The following ADARB2 variants were observed in gnomAD, a reference collection of about 807,000 sequenced individuals.
ADARB2 encodes adenosine deaminase RNA specific B2 (inactive).
A neutral mutation model predicts 62.2 loss-of-function variants in ADARB2; 25 were observed. That is an observed-to-expected ratio of 0.40 (90% CI 0.29 to 0.56). The LOEUF (loss-of-function observed/expected upper bound fraction) is 0.56, where lower values mean the gene tolerates loss of function less well. Among genes scored for constraint, ADARB2 ranks in the 20% least tolerant of loss-of-function variants. The probability of loss-of-function intolerance (pLI) is 0.43; values close to 1 mark genes in which losing one functional copy is unlikely to be tolerated. For synonymous variants in ADARB2, 572 were observed against 500.8 expected, an observed-to-expected ratio of 1.14 and a Z score of -1.90; for missense variants, 1,071 against 1,077.4, an observed-to-expected ratio of 0.99 and a Z score of 0.08.
intron 3 of ADARB2, among the ~76,000 whole-genome samples, chr10:1,308,127 A>G (rs11814486): frequency 6.6e-6 from 1 of 152,074 alleles, no homozygotes; most frequent in African/African-American, 2.4e-5. Context: ...TGTAGTACAC[A>G]CAGAGCAGTT....
intron 5 of ADARB2, among the ~76,000 whole-genome samples, chr10:1,234,887 T>A (rs1830849814): frequency 6.6e-6 from 1 of 151,938 alleles, no homozygotes; most frequent in Non-Finnish European, 1.5e-5. Context: ...TAGTTGGGAT[T>A]ACAGGTGCAT....
chr10:1,605,586 G>T (rs1833484980), intron 1 of ADARB2, among the ~76,000 whole-genome samples: 1 of 152,152 alleles, frequency 6.6e-6, no homozygotes, highest in East Asian at 1.9e-4. Flanking sequence ...TTGGGATAAG[G>T]AAAATGCACT....
intron 1 of ADARB2, among the ~76,000 whole-genome samples, chr10:1,595,797 G>A (rs944226804): frequency 6.6e-6 from 1 of 152,244 alleles, no homozygotes; most frequent in East Asian, 1.9e-4. Flanking sequence ...CTTCAAAGTT[G>A]GTTTGTGGGG....
chr10:1,721,857 A>G (rs1204048401), intron 1 of ADARB2, among the ~76,000 whole-genome samples: 1 of 152,108 alleles, frequency 6.6e-6, no homozygotes, highest in African/African-American at 2.4e-5. Context: ...GTCCAGAGAA[A>G]TCGTCTCCAT....
intron 1 of ADARB2, among the ~76,000 whole-genome samples, chr10:1,650,997 C>G (rs1278835051): frequency 3.3e-5 from 5 of 152,204 alleles, no homozygotes; most frequent in African/African-American, 1.2e-4. Context: ...CTGAAGGACA[C>G]CAGAGAGCTG....
chr10:1,561,909 G>C (rs944810462), intron 1 of ADARB2, among the ~76,000 whole-genome samples: 5 of 152,168 alleles, frequency 3.3e-5, no homozygotes, highest in African/African-American at 9.7e-5. Context: ...TTGCCACATC[G>C]TGTCTTTGCT....
chr10:1,330,011 A>AATG (rs1303918564), intron 3 of ADARB2, among the ~76,000 whole-genome samples: 2 of 147,698 alleles, frequency 1.4e-5, no homozygotes, highest in African/African-American at 2.5e-5. Context: ...TGACCTGTTC[A>AATG]ATGATGCATT....
rs563352872 is a variant in ADARB2 at position 1,271,786 on chromosome 10, G to C, written c.1078-717C>G. 9.2e-5 allele frequency among the ~76,000 whole-genome samples: 14 copies of C among 152,298 alleles called. No individual in the cohort carries two copies. The South Asian group carries it at 2.9e-3, about 32-fold the overall frequency. ...CTTTCCCCGGCTCCTCTGGGCCCAA[G>C]GCTGCAGCACTGCCCTTTCCTTGAC... On this transcript the variant is annotated intron_variant, in intron 3 of 9. Coordinates refer to ENST00000381312, the MANE Select transcript of ADARB2 (RefSeq NM_018702.4).
intron 1 of ADARB2, among the ~76,000 whole-genome samples, chr10:1,555,154 T>A (rs1383150677): frequency 6.6e-6 from 1 of 152,248 alleles, no homozygotes; most frequent in Non-Finnish European, 1.5e-5. Flanking sequence ...TGATTCCATA[T>A]CTTTGCTGTT....
chr10:1,211,188 CATCT>C (rs1429546207), intron 7 of ADARB2, among the ~76,000 whole-genome samples: 5 of 150,814 alleles, frequency 3.3e-5, no homozygotes, highest in Non-Finnish European at 5.9e-5. Context: ...ATCTAATTTT[CATCT>C]ATCATCTATC....
At position 1,418,978 on chromosome 10, in the gene ADARB2, C is replaced by G. The variant is rs531936176; in HGVS notation, c.101-39818G>C. ...AGGAAAGAAAAGGGTTCACTTGGAACCCTGGATCTTGGTTGCATAGTGTGG... is the reference window on the plus strand; with the variant it reads ...AGGAAAGAAAAGGGTTCACTTGGAAGCCTGGATCTTGGTTGCATAGTGTGG... On this transcript the variant is annotated intron_variant, in intron 1 of 9. Coordinates refer to ENST00000381312, the MANE Select transcript of ADARB2 (RefSeq NM_018702.4). 2.4e-4 allele frequency among the ~76,000 whole-genome samples: 37 copies of G among 152,278 alleles called. 1 individual carries two copies. The South Asian group carries it at 3.1e-3, about 13-fold the overall frequency.
intron 1 of ADARB2, among the ~76,000 whole-genome samples, chr10:1,672,704 C>A (rs78760475): frequency 2.6e-5 from 3 of 113,260 alleles, no homozygotes; most frequent in Non-Finnish European, 6.3e-5. Flanking sequence ...TCCTTCCAGG[C>A]CCCCCGCCTG....
chr10:1,520,177 C>T (rs1212575881), intron 1 of ADARB2, among the ~76,000 whole-genome samples: 2 of 152,236 alleles, frequency 1.3e-5, no homozygotes, highest in African/African-American at 4.8e-5. Flanking sequence ...CTTGGTAGCA[C>T]ATTTGCTTAC....
intron 1 of ADARB2, among the ~76,000 whole-genome samples, chr10:1,515,063 C>T (rs1831992149): frequency 6.6e-6 from 1 of 152,158 alleles, no homozygotes; most frequent in African/African-American, 2.4e-5. Context: ...ATCTACTGGC[C>T]AAGTTCAATT....
intron 1 of ADARB2, among the ~76,000 whole-genome samples, chr10:1,499,424 T>C (rs1175748593): frequency 6.6e-6 from 1 of 151,842 alleles, no homozygotes; most frequent in South Asian, 2.1e-4. Context: ...CACTCAACAC[T>C]CTATTACTTA....
chr10:1,503,849 C>T lies in ADARB2; in HGVS notation c.101-124689G>A, dbSNP rs537432415. ...ATGTGACATGCCTGCCCTGTCTTCA[C>T]CTTCTGCCATGATTGGAAGCTTCCT... On this transcript the variant is annotated intron_variant, in intron 1 of 9. Transcript: ENST00000381312. Among the ~76,000 whole-genome samples, 5 of 152,230 alleles carry T rather than the reference C, an allele frequency of 3.3e-5. No homozygotes were observed. In the Middle Eastern group the frequency reaches 0.01, roughly 311 times the overall value.
chr10:1,681,313 G>A (rs969082638), intron 1 of ADARB2, among the ~76,000 whole-genome samples: 10 of 152,268 alleles, frequency 6.6e-5, no homozygotes, highest in African/African-American at 2.4e-4. Flanking sequence ...CCTCGAAGCA[G>A]TCTATTCTAA....
intron 8 of ADARB2, among the ~76,000 whole-genome samples, chr10:1,189,944 C>T (rs1048588931): frequency 2.0e-5 from 3 of 151,870 alleles, no homozygotes; most frequent in South Asian, 2.1e-4. Flanking sequence ...GAACACGTGG[C>T]GCTACCTCCT....
chr10:1,625,695 A>G (rs888271633), intron 1 of ADARB2, among the ~76,000 whole-genome samples: 3 of 152,140 alleles, frequency 2.0e-5, no homozygotes. Flanking sequence ...GACAGCAGAC[A>G]TGCCCTGGAA....
Sources: allele counts gnomAD v4.1 joint callset (sites outside exome capture counted in the v4.1 genomes callset), GRCh38; gene constraint gnomAD v4.1.1; transcripts MANE v1.5; gene names NCBI Gene and HGNC (gene_info 2026-07-23, HGNC 2026-07-21).